CHAC1: variants seen among roughly 807,000 people sequenced by gnomAD.
CHAC1 encodes the protein glutathione-specific gamma-glutamylcyclotransferase 1.
Under a neutral mutation model 22.1 loss-of-function variants are expected in CHAC1, and 22 were observed. The ratio of observed to expected loss-of-function variants is 1.00; its 90% CI spans 0.71 to 1.42. The LOEUF is 1.42. Among genes scored for constraint, CHAC1 ranks in the 40% most tolerant of loss-of-function variants. The pLI, the probability that CHAC1 is intolerant of heterozygous loss-of-function variation, is 0.00. For synonymous variants in CHAC1, 145 were observed against 128.7 expected (o/e 1.13, Z -0.86); for missense variants, 272 against 299.2 (o/e 0.91, Z 0.67).
chr15:40,954,358 C>A, intron 2 of CHAC1, 95 bp downstream of exon 2: 1 of 1,260,284 alleles, frequency 7.9e-7, no homozygotes, highest in South Asian at 1.2e-5. Flanking sequence ...CTAGCTCTGT[C>A]TGATGCTTCT....
rs976616900 is a variant in CHAC1, at chr15:40,956,504, ATCTCTT to A, written c.*732_*737del. ...GTCCCATACTGTTACCCATAAAACT[ATCTCTT>A]TATCTGTGCTGTGCCGGAATGTGGT... On this transcript the variant is annotated 3_prime_UTR_variant, in exon 3 of 3. Coordinates refer to ENST00000617768, the MANE Select transcript of CHAC1 (RefSeq NM_024111.6). 1 of 152,228 alleles carries A rather than the reference ATCTCTT, an allele frequency of 6.6e-6. No homozygotes were observed. Among genetic ancestry groups the A allele is most frequent in the African/African-American group, 2.4e-5 (1 of 41,398 alleles). 9.4% of individuals were successfully genotyped at this position (152,228 alleles called of 1,614,324 possible). A position where few individuals can be genotyped will look rare whatever the true frequency, so the allele number is the denominator to read the frequency against.
chr15:40,953,564 C>A lies in CHAC1; in HGVS notation c.-20C>A. 1.2e-6 allele frequency: 2 copies of A among 1,609,464 alleles called. No individual in the cohort carries two copies. The highest frequency in any genetic ancestry group is 1.7e-6 in the Non-Finnish European group (2 of 1,179,864). On this transcript the variant is annotated 5_prime_UTR_variant, in exon 1 of 3. Coordinates refer to ENST00000617768, the MANE Select transcript of CHAC1 (RefSeq NM_024111.6). ...GACCAGCCCCGGAGGCCGCCTGGGC[C>A]TATCCCTGTGCCAGGCACCATGAAG...
rs932366652 is a variant in CHAC1 at position 40,956,213 on chromosome 15, G to A, written c.*439G>A. 7 of 171,116 alleles carry A rather than the reference G, an allele frequency of 4.1e-5. No individual in the cohort carries two copies. The highest frequency in any genetic ancestry group is 1.7e-4 in the African/African-American group (7 of 41,928). The allele number at this position is 171,116 out of a possible 1,614,324, so 10.6% of individuals were successfully genotyped here. A position where few individuals can be genotyped will look rare whatever the true frequency, so the allele number is the denominator to read the frequency against. ...TGCCAAGGATCCCAGCAGGCTGGAT[G>A]AGGGATAGTAGGGCATGAGGAGAAG... On this transcript the variant is annotated 3_prime_UTR_variant, in exon 3 of 3. Transcript: ENST00000617768.
chr15:40,953,741 G>C lies in CHAC1; in HGVS notation c.158G>C (p.Arg53Pro). The change falls in exon 1 of 3, where the codon CGT becomes CCT. Residue 53 changes from arginine (R) to proline (P), a missense_variant. By Grantham distance (103) the Arg-to-Pro change is moderately radical. Coordinates refer to ENST00000617768, the MANE Select transcript of CHAC1 (RefSeq NM_024111.6). ...CCCGACTTCGCCTACAGCGACAGCC[G>C]TGTGGGCTTCGTGCGCGGCTACAGC... ...WRPDFAYSDS[R>P]VGFVRGYSRR... 1 of 1,602,614 alleles carries C rather than the reference G, an allele frequency of 6.2e-7. No homozygotes were observed. The highest frequency in any genetic ancestry group is 8.5e-7 in the Non-Finnish European group (1 of 1,179,794).
In CHAC1 at chr15:40,955,557, G is replaced by A; in HGVS notation, c.452G>A (p.Gly151Asp). ...LAYVATPQNPGYLGPAPEEAI... is the reference protein window; with the variant it reads ...LAYVATPQNPDYLGPAPEEAI... The stretch of plus-strand genomic sequence containing the variant: ...TATGTGGCCACCCCACAGAACCCTG[G>A]TTACCTGGGCCCTGCGCCTGAAGAG... Residue 151 changes from glycine (G) to aspartate (D), a missense_variant, in exon 3 of 3, where the codon GGT becomes GAT. Physicochemically the swap from Gly to Asp is moderately conservative, Grantham distance 94. Coordinates refer to ENST00000617768, the MANE Select transcript of CHAC1 (RefSeq NM_024111.6). 1 of 1,614,132 alleles carries A rather than the reference G, an allele frequency of 6.2e-7. No homozygotes were observed. Among genetic ancestry groups the A allele is most frequent in the Non-Finnish European group, 8.5e-7 (1 of 1,180,028 alleles).
In CHAC1 at chr15:40,955,855, C is replaced by T. The variant is rs770071687; in HGVS notation, c.*81C>T. On this transcript the variant is annotated 3_prime_UTR_variant, in exon 3 of 3. Coordinates refer to ENST00000617768, the MANE Select transcript of CHAC1 (RefSeq NM_024111.6). ...CCAGTGCACAAGACAGACTTGCGAC[C>T]GCTTGAGCCCACTGAGCAGATATGG... 2.6e-5 allele frequency: 36 copies of T among 1,404,046 alleles called. No homozygotes were observed. The highest frequency in any genetic ancestry group is 1.0e-4 in the Admixed American group (4 of 39,188). 87.0% of individuals were successfully genotyped at this position (1,404,046 alleles called of 1,614,324 possible).
rs1290886702 is a variant in CHAC1, at chr15:40,955,725, C to A, written c.620C>A (p.Thr207Asn). The A allele has an allele frequency of 6.2e-7, 1 of 1,603,758 alleles. No individual in the cohort carries two copies. The highest frequency in any genetic ancestry group is 1.3e-5 in the African/African-American group (1 of 74,940). Residue 207 changes from threonine to asparagine, a missense_variant, in exon 3 of 3, where the codon ACC (threonine) becomes AAC (asparagine). Transcript: ENST00000617768. ...HLAAIVDAVG[T>N]MLPCFCPTEQ... ...GCAGCCATCGTGGACGCTGTGGGCA[C>A]CATGTTGCCCTGCTTCTGCCCCACC...
At chr15:40,953,885 TG>T in intron 1 of CHAC1, 71 bp downstream of exon 1, 2 of 1,189,824 alleles carry the variant, frequency 1.7e-6, no homozygotes, top group Non-Finnish European at 2.3e-6. Flanking sequence ...TGCCCTGGAA[TG>T]TCCGGGGCTC....
Position 40,955,953 on chromosome 15 carries a change from C to G in CHAC1, c.*179C>G. On this transcript the variant is annotated 3_prime_UTR_variant, in exon 3 of 3. Coordinates refer to ENST00000617768, the MANE Select transcript of CHAC1 (RefSeq NM_024111.6). ...CTGCAGCTCTCCTGCTTGACACTGA[C>G]TTACTACTTGAAACTTTATTTATTG... 1 of 655,024 alleles carries G rather than the reference C, an allele frequency of 1.5e-6. No individual in the cohort carries two copies. Among genetic ancestry groups the G allele is most frequent in the East Asian group, 2.8e-5 (1 of 36,272 alleles). 40.6% of individuals were successfully genotyped at this position (655,024 alleles called of 1,614,324 possible). A position where few individuals can be genotyped will look rare whatever the true frequency, so the allele number is the denominator to read the frequency against.
chr15:40,954,348 C>G (rs2140379810), intron 2 of CHAC1, 85 bp downstream of exon 2: 2 of 1,366,362 alleles, frequency 1.5e-6, no homozygotes, highest in East Asian at 2.3e-5. Flanking sequence ...TGGCTGCAGG[C>G]TAGCTCTGTC....
At chr15:40,954,185 G>T (rs764780501) in intron 1 of CHAC1, 43 bp from the exon 2 acceptor site, 29 of 1,608,932 alleles carry the variant, frequency 1.8e-5, no homozygotes, top group Non-Finnish European at 2.5e-5. Context: ...TGGCAGAGCT[G>T]ATTTCTAACT....
chr15:40,955,864 C>A lies in CHAC1; in HGVS notation c.*90C>A. ...AAGACAGACTTGCGACCGCTTGAGC[C>A]CACTGAGCAGATATGGTGGGTGGCT... On this transcript the variant is annotated 3_prime_UTR_variant, in exon 3 of 3. Transcript: ENST00000617768. The A allele has an allele frequency of 7.4e-7, 1 of 1,358,016 alleles. No homozygotes were observed. The highest frequency in any genetic ancestry group is 9.8e-7 in the Non-Finnish European group (1 of 1,022,118). The allele number at this position is 1,358,016 out of a possible 1,614,324, so 84.1% of individuals were successfully genotyped here. A position where few individuals can be genotyped will look rare whatever the true frequency, so the allele number is the denominator to read the frequency against.
intron 2 of CHAC1, among the ~76,000 whole-genome samples, chr15:40,954,915 C>CT (rs60132729): frequency 0.94 from 131,164 of 139,964 alleles, 61,699 homozygotes; most frequent in East Asian, 0.98. Flanking sequence ...TCAACTATGC[C>CT]TTTTTTTTTT....
intron 2 of CHAC1, 150 bp from the exon 3 acceptor site, chr15:40,955,223 G>A (rs977778969): frequency 2.7e-6 from 2 of 733,370 alleles, no homozygotes; most frequent in African/African-American, 1.8e-5. Flanking sequence ...GAGAGTACAA[G>A]GGCTTGAGGT....
chr15:40,955,231 G>A (rs1484861623), intron 2 of CHAC1, 142 bp from the exon 3 acceptor site: 4 of 781,594 alleles, frequency 5.1e-6, no homozygotes, highest in Non-Finnish European at 8.3e-6. Flanking sequence ...AAGGGCTTGA[G>A]GTACTGCCAC....
Position 40,955,468 on chromosome 15 carries a change from C to T in CHAC1, c.363C>T (p.Tyr121=), listed in dbSNP as rs754154956. The change falls in exon 3 of 3, where the codon TAC becomes TAT. Residue 121 remains tyrosine (Y), a synonymous_variant. Transcript: ENST00000617768. ...TGCGAGAGGCAGTGCTTGGTGGCTA[C>T]GATACCAAGGAGGTCACCTTCTATC... is the stretch of plus-strand genomic sequence containing the variant. ...LNVREAVLGG[Y]DTKEVTFYPQ... 5.7e-5 allele frequency: 92 copies of T among 1,614,012 alleles called. No individual in the cohort carries two copies. The highest frequency in any genetic ancestry group is 7.2e-5 in the Non-Finnish European group (85 of 1,180,004).
At chr15:40,954,935 C>A (rs1413039631) in intron 2 of CHAC1, among the ~76,000 whole-genome samples, 1 of 134,794 alleles carries the variant, frequency 7.4e-6, no homozygotes, top group African/African-American at 2.8e-5. Context: ...TTTTTTAAGA[C>A]GGAGTCTTAC....
Position 40,955,748 on chromosome 15 carries a change from A to G in CHAC1, c.643A>G (p.Thr215Ala). 6.3e-7 allele frequency: 1 copy of G among 1,598,992 alleles called. No homozygotes were observed. The highest frequency in any genetic ancestry group is 8.5e-7 in the Non-Finnish European group (1 of 1,178,220). ...CACCATGTTGCCCTGCTTCTGCCCC[A>G]CCGAGCAGGCTCTGGCGCTGGTGTG... The part of the protein sequence containing the change: ...VGTMLPCFCP[T>A]EQALALV The change falls in exon 3 of 3, where the codon ACC becomes GCC. Residue 215 changes from threonine (T) to alanine (A), a missense_variant. Thr to Ala is a moderately conservative substitution (Grantham distance 58). Transcript: ENST00000617768.
In CHAC1 at chr15:40,953,533, G is replaced by A. The variant is rs140168040; in HGVS notation, c.-51G>A. The stretch of plus-strand genomic sequence containing the variant: ...CGTCCGTCGGTCTTTCCGTGCCCAC[G>A]CCGGAGACCAGCCCCGGAGGCCGCC... On this transcript the variant is annotated 5_prime_UTR_variant, in exon 1 of 3. Transcript: ENST00000617768. The A allele has an allele frequency of 3.6e-3, 5,777 of 1,605,706 alleles. 75 individuals carry two copies. The highest frequency in any genetic ancestry group is 0.03 in the South Asian group (2,767 of 90,878).
Sources: allele counts gnomAD v4.1 joint callset (sites outside exome capture counted in the v4.1 genomes callset), GRCh38; gene constraint gnomAD v4.1.1; transcripts MANE v1.5; gene names NCBI Gene and HGNC (gene_info 2026-07-23, HGNC 2026-07-21).